The following VPS13A variants were observed in gnomAD, a reference collection of about 807,000 sequenced individuals.
The protein encoded by VPS13A is intermembrane lipid transfer protein VPS13A.
A neutral mutation model predicts 390.9 loss-of-function variants in VPS13A; 264 were observed. That is an observed-to-expected ratio of 0.68 (90% CI 0.61 to 0.75). The LOEUF is 0.75. Among genes scored for constraint, VPS13A ranks in the 30% least tolerant of loss-of-function variants. VPS13A has a pLI of 0.00. For synonymous variants in VPS13A, 1,231 were observed against 1,227.1 expected (o/e 1.00, Z -0.07); for missense variants, 3,409 against 3,733.9 (o/e 0.91, Z 2.27).
At chr9:77,322,987 A>G (rs1829829078) in intron 44 of VPS13A, 80 bp from the exon 45 acceptor site, 2 of 1,153,100 alleles carry the variant, frequency 1.7e-6, no homozygotes, top group Admixed American at 4.4e-5. Context: ...AATCATCTGA[A>G]ATTTCTAATA....
intron 23 of VPS13A, among the ~76,000 whole-genome samples, chr9:77,268,428 G>A (rs1166721378): frequency 3.3e-5 from 5 of 152,046 alleles, no homozygotes; most frequent in East Asian, 1.9e-4. Flanking sequence ...TTGTGCTTCC[G>A]GGGTGAGGCA....
intron 71 of VPS13A, among the ~76,000 whole-genome samples, chr9:77,413,747 T>G (rs1286338005): frequency 6.6e-6 from 1 of 152,142 alleles, no homozygotes; most frequent in African/African-American, 2.4e-5. Flanking sequence ...AAATGGGATC[T>G]AATTAAACTA....
intron 68 of VPS13A, chr9:77,389,929 T>G (rs1355253689): frequency 1.2e-5 from 3 of 240,104 alleles, no homozygotes; most frequent in Middle Eastern, 1.9e-3. Flanking sequence ...TTTTTGTGTC[T>G]TGTATATTTC....
chr9:77,283,209 TATC>T (rs1827139314), intron 29 of VPS13A, 143 bp from the exon 30 acceptor site: 4 of 585,730 alleles, frequency 6.8e-6, no homozygotes, highest in Non-Finnish European at 1.2e-5. Flanking sequence ...CAGTAGGGAA[TATC>T]ATACCTTGCT....
In VPS13A at chr9:77,199,092, T is replaced by A. The variant is rs563288850; in HGVS notation, c.101-853T>A. Among the ~76,000 whole-genome samples, 3 of 152,362 alleles carry A rather than the reference T, an allele frequency of 2.0e-5. No homozygotes were observed. In the South Asian group the frequency reaches 6.2e-4, roughly 32 times the overall value. ...CATTTTGCTAATTACTTTCTATGTG[T>A]CTTACAGCATTTCTTCTTTCTGTTT... On this transcript the variant is annotated intron_variant, in intron 1 of 71. Coordinates refer to ENST00000360280, the MANE Select transcript of VPS13A (RefSeq NM_033305.3).
In VPS13A at chr9:77,279,514, T is replaced by C. The variant is rs1281088995; in HGVS notation, c.2825-645T>C. 2.0e-5 allele frequency among the ~76,000 whole-genome samples: 3 copies of C among 152,078 alleles called. No homozygotes were observed. The East Asian group carries it at 5.9e-4, about 30-fold the overall frequency. ...TTATATGGGCACAGGATGGTGGGTA[T>C]GGTGGGCCAAAAGGCAACTTTTCAG... is the stretch of plus-strand genomic sequence containing the variant. On this transcript the variant is annotated intron_variant, in intron 26 of 71. Coordinates refer to ENST00000360280, the MANE Select transcript of VPS13A (RefSeq NM_033305.3).
Position 77,358,170 on chromosome 9 carries a change from G to A in VPS13A, c.7954-187G>A, listed in dbSNP as rs887507442. Among the ~76,000 whole-genome samples the A allele has an allele frequency of 4.6e-5, 7 of 151,824 alleles. No homozygotes were observed. In the East Asian group the frequency reaches 1.4e-3, roughly 29 times the overall value. On this transcript the variant is annotated intron_variant, in intron 56 of 71. Coordinates refer to ENST00000360280, the MANE Select transcript of VPS13A (RefSeq NM_033305.3). ...GGGGTTTCACCATGTGGGCCAGGCT[G>A]GTCTCAAACTCCTGACCCCAGATGA...
chr9:77,400,063 A>G (rs558945051), intron 68 of VPS13A, among the ~76,000 whole-genome samples: 1 of 152,232 alleles, frequency 6.6e-6, no homozygotes, highest in Admixed American at 6.5e-5. Flanking sequence ...TGTGCTTTTA[A>G]TACAATATTG....
rs886198919 is a variant in VPS13A at position 77,212,877 on chromosome 9, C to T, written c.556-92C>T. 3.8e-6 allele frequency: 5 copies of T among 1,312,582 alleles called. No homozygotes were observed. In the Admixed American group the frequency reaches 6.9e-5, roughly 18 times the overall value. The allele number at this position is 1,312,582 out of a possible 1,614,324, so 81.3% of individuals were successfully genotyped here. On this transcript the variant is annotated intron_variant, in intron 7 of 71. Transcript: ENST00000360280. Reference sequence around the variant, plus strand: ...TTTAAAGGCATTTTCATGAAAGGGACATTGGTCTAGGGTATGGTAGATAAT... The same window carrying T: ...TTTAAAGGCATTTTCATGAAAGGGATATTGGTCTAGGGTATGGTAGATAAT...
At chr9:77,286,348 A>T (rs985298559) in intron 31 of VPS13A, among the ~76,000 whole-genome samples, 1 of 152,150 alleles carries the variant, frequency 6.6e-6, no homozygotes, top group African/African-American at 2.4e-5. Flanking sequence ...GGAAGTCTGG[A>T]GGCAGTAGGG....
At chr9:77,356,348 G>T (rs944994763) in intron 54 of VPS13A, among the ~76,000 whole-genome samples, 4 of 152,068 alleles carry the variant, frequency 2.6e-5, no homozygotes, top group African/African-American at 4.8e-5. Context: ...TTTACATATT[G>T]CAGTTCTCCG....
At chr9:77,358,543 A>G in intron 57 of VPS13A, 105 bp downstream of exon 57, 1 of 974,344 alleles carries the variant, frequency 1.0e-6, no homozygotes, top group Non-Finnish European at 1.6e-6. Flanking sequence ...TAATTTTTAT[A>G]GGATAATTGG....
intron 34 of VPS13A, among the ~76,000 whole-genome samples, chr9:77,307,723 A>G (rs1828839776): frequency 6.6e-6 from 1 of 152,220 alleles, no homozygotes; most frequent in Non-Finnish European, 1.5e-5. Context: ...CTTTATTCAT[A>G]ACTTCATTGG....
intron 64 of VPS13A, 31 bp downstream of exon 64, chr9:77,370,363 T>C: frequency 6.2e-7 from 1 of 1,614,148 alleles, no homozygotes; most frequent in Non-Finnish European, 8.5e-7. Flanking sequence ...CAAGTATTTT[T>C]GTGCTAGAAA....
At chr9:77,191,599 C>G (rs1824692126) in intron 1 of VPS13A, among the ~76,000 whole-genome samples, 1 of 152,160 alleles carries the variant, frequency 6.6e-6, no homozygotes, top group African/African-American at 2.4e-5. Flanking sequence ...GTGCCTGGCC[C>G]AAAGAATTTC....
intron 28 of VPS13A, 49 bp downstream of exon 28, chr9:77,281,975 A>G: frequency 7.3e-7 from 1 of 1,375,504 alleles, no homozygotes; most frequent in South Asian, 1.3e-5. Context: ...TCTTATGGAA[A>G]TTATTTTCTA....
At chr9:77,259,674 G>A (rs1457977248) in intron 22 of VPS13A, among the ~76,000 whole-genome samples, 1 of 152,266 alleles carries the variant, frequency 6.6e-6, no homozygotes, top group East Asian at 1.9e-4. Flanking sequence ...CAGGCTATTT[G>A]CACTGCCAAA....
At chr9:77,223,730 A>C (rs542133950) in intron 13 of VPS13A, among the ~76,000 whole-genome samples, 1 of 152,222 alleles carries the variant, frequency 6.6e-6, no homozygotes, top group African/African-American at 2.4e-5. Flanking sequence ...CAAAAGTATA[A>C]GGCAAAGAAG....
rs191324723 is a variant in VPS13A, at chr9:77,258,458, G to T, written c.2289-1628G>T. The stretch of plus-strand genomic sequence containing the variant: ...CTTTTTTGTTGACCTTTACCTCATA[G>T]TGACTCTATCTACTAACAAATATTG... On this transcript the variant is annotated intron_variant, in intron 22 of 71. Transcript: ENST00000360280. Among the ~76,000 whole-genome samples the T allele has an allele frequency of 2.0e-5, 3 of 152,230 alleles. No homozygotes were observed. In the East Asian group the frequency reaches 5.8e-4, roughly 29 times the overall value.
Sources: allele counts gnomAD v4.1 joint callset (sites outside exome capture counted in the v4.1 genomes callset), GRCh38; gene constraint gnomAD v4.1.1; transcripts MANE v1.5; gene names NCBI Gene and HGNC (gene_info 2026-07-23, HGNC 2026-07-21).